NHSL2: variants seen among roughly 807,000 people sequenced by gnomAD.
NHSL2 encodes the protein NHS-like protein 2.
In NHSL2, 27 loss-of-function variants were observed where a neutral mutation model predicts 53.4. The ratio of observed to expected loss-of-function variants is 0.51; its 90% CI spans 0.37 to 0.70. The LOEUF (loss-of-function observed/expected upper bound fraction) is 0.70. Among genes scored for constraint, NHSL2 ranks in the 30% least tolerant of loss-of-function variants. NHSL2 has a pLI of 0.00. For missense variants in NHSL2, 892 were observed against 980.1 expected, an observed-to-expected ratio of 0.91 and a Z score of 1.20; for synonymous variants, 408 against 404.1, an observed-to-expected ratio of 1.01 and a Z score of -0.12.
chrX:72,126,574 A>G (rs938395376), intron 1 of NHSL2, among the ~76,000 whole-genome samples: 1 of 28,713 alleles, frequency 3.5e-5, no homozygotes, highest in Non-Finnish European at 2.3e-4. Flanking sequence ...CTTCCCCTGG[A>G]AAAAAAAAAA....
chrX:72,142,723 A>G (rs1369432488), intron 7 of NHSL2, among the ~76,000 whole-genome samples: 1 of 111,447 alleles, frequency 9.0e-6, no homozygotes, highest in Non-Finnish European at 1.9e-5. Context: ...ATAGTCAGAG[A>G]CATTTAACCC....
intron 1 of NHSL2, among the ~76,000 whole-genome samples, chrX:71,939,486 A>G (rs2147829462): frequency 8.9e-6 from 1 of 112,171 alleles, no homozygotes; most frequent in African/African-American, 3.2e-5. Flanking sequence ...CATTTAGAAG[A>G]AAGAATAGAC....
intron 1 of NHSL2, among the ~76,000 whole-genome samples, chrX:71,944,362 A>G (rs2041782746): frequency 8.9e-6 from 1 of 112,327 alleles, no homozygotes; most frequent in Non-Finnish European, 1.9e-5. Flanking sequence ...AGAGCTCAAT[A>G]AAGACCAGTT....
rs763231991 is a variant in NHSL2, at chrX:72,121,124, G to A, written c.281-10955G>A. 4.4e-5 allele frequency among the ~76,000 whole-genome samples: 5 copies of A among 112,381 alleles called. No homozygotes were observed. In the South Asian group the frequency reaches 1.1e-3, roughly 25 times the overall value. On this transcript the variant is annotated intron_variant, in intron 1 of 7. Coordinates refer to ENST00000633930, the MANE Select transcript of NHSL2 (RefSeq NM_001013627.3). ...GCTGTTTGGGCCATATGTCTCCTTGGTCACGGCACCCAGGACTGTGCTTCT... is the reference window on the plus strand; with the variant it reads ...GCTGTTTGGGCCATATGTCTCCTTGATCACGGCACCCAGGACTGTGCTTCT...
chrX:72,130,670 A>C, intron 1 of NHSL2: 5 of 1,211,739 alleles, frequency 4.1e-6, no homozygotes, highest in Non-Finnish European at 5.6e-6. Context: ...ATTTCTGTTG[A>C]CCATAAGAGC....
rs1009668074 is a variant in NHSL2 at position 72,149,082 on chromosome X, GGACTCCGGTGCATATGCTC to G, written c.*5511_*5529del. On this transcript the variant is annotated 3_prime_UTR_variant, in exon 8 of 8. Transcript: ENST00000633930. ...AGATTGAGGAGTCTCATGTTTTATG[GGACTCCGGTGCATATGCTC>G]GAAAAAAATTAAAAAGAACTTATCA... The G allele has an allele frequency of 1.5e-4, 17 of 109,969 alleles. No homozygotes were observed. Among genetic ancestry groups the G allele is most frequent in the African/African-American group, 5.3e-4 (16 of 30,135 alleles). 9.1% of individuals were successfully genotyped at this position (109,969 alleles called of 1,213,427 possible). A position where few individuals can be genotyped will look rare whatever the true frequency, so the allele number is the denominator to read the frequency against.
intron 1 of NHSL2, among the ~76,000 whole-genome samples, chrX:71,912,067 G>T (rs2041606564): frequency 8.9e-6 from 1 of 112,468 alleles, no homozygotes; most frequent in Admixed American, 9.3e-5. Context: ...TTATTTGCTG[G>T]AGAGAATCAT....
intron 1 of NHSL2, among the ~76,000 whole-genome samples, chrX:72,050,066 C>T (rs1384316783): frequency 9.2e-6 from 1 of 108,711 alleles, no homozygotes; most frequent in Non-Finnish European, 1.9e-5. Flanking sequence ...CCCTCCTCCT[C>T]TCTCTCCCTC....
rs1413589443 is a variant in NHSL2 at position 72,145,979 on chromosome X, G to C, written c.*2405G>C. ...CTACATCATCACTGTGGCCCACGCA[G>C]TGGTGTTCCCATTAGCACAAGAGGA... On this transcript the variant is annotated 3_prime_UTR_variant, in exon 8 of 8. Coordinates refer to ENST00000633930, the MANE Select transcript of NHSL2 (RefSeq NM_001013627.3). 3 of 112,954 alleles carry C rather than the reference G, an allele frequency of 2.7e-5. No homozygotes were observed. In the East Asian group the frequency reaches 8.3e-4, roughly 31 times the overall value. The allele number at this position is 112,954 out of a possible 1,213,427, so 9.3% of individuals were successfully genotyped here. A position where few individuals can be genotyped will look rare whatever the true frequency, so the allele number is the denominator to read the frequency against.
intron 1 of NHSL2, 83 bp downstream of exon 1, chrX:71,911,450 C>CCCTCTCCCCG: frequency 1.2e-6 from 1 of 850,001 alleles, no homozygotes; most frequent in Non-Finnish European, 1.5e-6. Context: ...GCTGTGCCCA[C>CCCTCTCCCCG]CCTCTCCCCG....
chrX:71,914,793 T>C (rs1001963602), intron 1 of NHSL2, among the ~76,000 whole-genome samples: 3 of 111,560 alleles, frequency 2.7e-5, no homozygotes, highest in Non-Finnish European at 3.8e-5. Context: ...TGCCATTAGA[T>C]GAGGTGTTGT....
rs763703982 is a variant in NHSL2 at position 71,975,235 on chromosome X, C to T, written c.280+63868C>T. 8.0e-5 allele frequency among the ~76,000 whole-genome samples: 9 copies of T among 112,019 alleles called. No individual in the cohort carries two copies. The East Asian group carries it at 2.5e-3, about 31-fold the overall frequency. ...CCACCACAGTGGTGACCTGGCCTTT[C>T]AGTTTCTTACCCTGAACTCCTCTGA... On this transcript the variant is annotated intron_variant, in intron 1 of 7. Coordinates refer to ENST00000633930, the MANE Select transcript of NHSL2 (RefSeq NM_001013627.3).
chrX:71,914,348 A>G (rs2041618220), intron 1 of NHSL2, among the ~76,000 whole-genome samples: 1 of 112,470 alleles, frequency 8.9e-6, no homozygotes, highest in Admixed American at 9.4e-5. Flanking sequence ...TCTCCCTTGG[A>G]GATCTATATA....
chrX:72,143,195 A>G, intron 7 of NHSL2, 58 bp from the exon 8 acceptor site: 1 of 867,360 alleles, frequency 1.2e-6, no homozygotes, highest in Non-Finnish European at 1.6e-6. Flanking sequence ...GGGGTCTGTG[A>G]AGCACTGGTA....
rs183486835 is a variant in NHSL2, at chrX:71,977,344, A to G, written c.280+65977A>G. On this transcript the variant is annotated intron_variant, in intron 1 of 7. Transcript: ENST00000633930. The stretch of plus-strand genomic sequence containing the variant: ...GCTCTCAGAACATTGCCTCACACAC[A>G]GTAAGTTATTTTATAAACAGTAGCT... Among the ~76,000 whole-genome samples the G allele has an allele frequency of 2.7e-5, 3 of 111,949 alleles. No individual in the cohort carries two copies. In the Admixed American group the frequency reaches 2.8e-4, roughly 11 times the overall value.
At chrX:72,128,066 G>A (rs757773320) in intron 1 of NHSL2, 2 of 112,144 alleles carry the variant, frequency 1.8e-5, no homozygotes, top group East Asian at 5.6e-4. Context: ...TCTTTGGAGA[G>A]AGGGGATCTT....
chrX:71,937,830 T>C (rs1390160478), intron 1 of NHSL2, among the ~76,000 whole-genome samples: 1 of 112,186 alleles, frequency 8.9e-6, no homozygotes, highest in African/African-American at 3.2e-5. Flanking sequence ...GCTTTATGTC[T>C]ATGATGAGTT....
chrX:72,127,845 A>G (rs2042242791), intron 1 of NHSL2: 1 of 112,902 alleles, frequency 8.9e-6, no homozygotes, highest in Admixed American at 9.3e-5. Flanking sequence ...ATGACTGCAC[A>G]GGTGGCAGCC....
At chrX:71,925,420 CTT>C (rs775266941) in intron 1 of NHSL2, among the ~76,000 whole-genome samples, 2 of 99,582 alleles carry the variant, frequency 2.0e-5, no homozygotes. Flanking sequence ...TGTTTTTGCA[CTT>C]TTTTTTTTTT....
Sources: allele counts gnomAD v4.1 joint callset (sites outside exome capture counted in the v4.1 genomes callset), GRCh38; gene constraint gnomAD v4.1.1; transcripts MANE v1.5; gene names NCBI Gene and HGNC (gene_info 2026-07-23, HGNC 2026-07-21).